The following WDPCP variants were observed in gnomAD, a reference collection of about 807,000 sequenced individuals.
WDPCP encodes WD repeat containing planar cell polarity effector, also known as WD repeat-containing and planar cell polarity effector protein fritz homolog.
A neutral mutation model predicts 93.1 loss-of-function variants in WDPCP; 71 were observed. The ratio of observed to expected loss-of-function variants is 0.76; its 90% CI spans 0.63 to 0.93. The LOEUF is 0.93. WDPCP is among the 40% of genes least tolerant of loss of function. WDPCP has a pLI of 0.00. For missense variants in WDPCP, 844 were observed against 887.4 expected, an observed-to-expected ratio of 0.95 and a Z score of 0.62; for synonymous variants, 315 against 315.0, an observed-to-expected ratio of 1.00 and a Z score of 0.00.
chr2:63,431,091 C>T (rs2105443042), intron 9 of WDPCP, among the ~76,000 whole-genome samples: 1 of 152,234 alleles, frequency 6.6e-6, no homozygotes, highest in South Asian at 2.1e-4. Context: ...TTAAAACTCG[C>T]ATTTGGTTCA....
At chr2:63,587,796 T>C (rs1708970632) in intron 1 of WDPCP, among the ~76,000 whole-genome samples, 1 of 152,240 alleles carries the variant, frequency 6.6e-6, no homozygotes, top group Admixed American at 6.5e-5. Context: ...AAATGCCTGT[T>C]TGGCATAACT....
intron 6 of WDPCP, among the ~76,000 whole-genome samples, chr2:63,456,972 G>C (rs1382036369): frequency 1.3e-5 from 2 of 152,040 alleles, no homozygotes; most frequent in Admixed American, 6.6e-5. Flanking sequence ...AGGTTGCAGT[G>C]AGCCGAGGTT....
At chr2:63,236,308 A>G (rs1414839926) in intron 14 of WDPCP, among the ~76,000 whole-genome samples, 2 of 152,174 alleles carry the variant, frequency 1.3e-5, no homozygotes, top group African/African-American at 4.8e-5. Context: ...ACCACAAAAC[A>G]CTGCTGAAAG....
intron 12 of WDPCP, among the ~76,000 whole-genome samples, chr2:63,338,133 T>C (rs1356128333): frequency 6.6e-6 from 1 of 152,308 alleles, no homozygotes; most frequent in African/African-American, 2.4e-5. Flanking sequence ...TACTTTCAGG[T>C]CTTGGGTTTA....
chr2:63,829,435 A>G (rs1387838653), upstream of WDPCP, among the ~76,000 whole-genome samples: 1 of 151,928 alleles, frequency 6.6e-6, no homozygotes, highest in Non-Finnish European at 1.5e-5. Context: ...GTTTGGTTCA[A>G]CTCCTTGCTT....
At chr2:63,286,908 G>A (rs1041016441) in intron 13 of WDPCP, among the ~76,000 whole-genome samples, 4 of 151,808 alleles carry the variant, frequency 2.6e-5, no homozygotes, top group Admixed American at 2.0e-4. Context: ...TATAGTAGTC[G>A]GCTAAGGCTG....
At chr2:63,824,537 CAAAAAAAAAAAAAAA>C (rs70965144) in intron 1 of WDPCP, among the ~76,000 whole-genome samples, 1 of 85,330 alleles carries the variant, frequency 1.2e-5, no homozygotes, top group Non-Finnish European at 2.1e-5. Context: ...GACCATGTTT[CAAAAAAAAAAAAAAA>C]AAAAAAAAAA....
chr2:63,490,720 G>C (rs759055745), intron 2 of WDPCP, among the ~76,000 whole-genome samples: 1 of 152,130 alleles, frequency 6.6e-6, no homozygotes, highest in Admixed American at 6.5e-5. Flanking sequence ...GAAGGAACAG[G>C]GACAGAAAAC....
chr2:63,224,699 A>AT (rs1678135808), intron 14 of WDPCP, among the ~76,000 whole-genome samples: 1 of 151,980 alleles, frequency 6.6e-6, no homozygotes, highest in Non-Finnish European at 1.5e-5. Flanking sequence ...TATAGAAACA[A>AT]TAAAAGCATC....
At chr2:63,341,500 G>T (rs1387343681) in intron 12 of WDPCP, among the ~76,000 whole-genome samples, 1 of 152,224 alleles carries the variant, frequency 6.6e-6, no homozygotes, top group African/African-American at 2.4e-5. Context: ...ATATTCTGCT[G>T]TTGTGGGTAG....
At chr2:63,560,324 T>G (rs746485977) in intron 1 of WDPCP, among the ~76,000 whole-genome samples, 1 of 152,150 alleles carries the variant, frequency 6.6e-6, no homozygotes, top group African/African-American at 2.4e-5. Flanking sequence ...GGAGGTATCA[T>G]GCTACCCGAC....
upstream of WDPCP, chr2:63,589,524 A>G (rs1257891044): frequency 3.7e-6 from 3 of 820,214 alleles, no homozygotes; most frequent in African/African-American, 1.7e-5. Context: ...CCAGATTACG[A>G]TCTGCGTTTG....
intron 3 of WDPCP, among the ~76,000 whole-genome samples, chr2:63,630,675 G>A (rs930874541): frequency 6.6e-6 from 1 of 152,130 alleles, no homozygotes; most frequent in African/African-American, 2.4e-5. Context: ...ATCATAGTTG[G>A]AGATATCAGC....
chr2:63,605,920 G>A (rs747642739), intron 3 of WDPCP: 1 of 1,601,604 alleles, frequency 6.2e-7, no homozygotes, highest in South Asian at 1.1e-5. Context: ...ATGAGTATGT[G>A]AAACATTGTT....
chr2:63,541,136 G>A (rs749957454), intron 1 of WDPCP, among the ~76,000 whole-genome samples: 18 of 152,128 alleles, frequency 1.2e-4, no homozygotes, highest in South Asian at 1.0e-3. Context: ...ATCACATCTG[G>A]CTAATTTTGC....
chr2:63,378,212 C>T (rs765946527), intron 12 of WDPCP, 174 bp downstream of exon 12: 33 of 861,386 alleles, frequency 3.8e-5, no homozygotes, highest in Non-Finnish European at 5.6e-5. Flanking sequence ...TCAAATATTT[C>T]CTTAAAATGA....
chr2:63,605,187 C>A, intron 3 of WDPCP: 2 of 820,404 alleles, frequency 2.4e-6, no homozygotes, highest in Non-Finnish European at 4.0e-6. Flanking sequence ...AAGCTCTGGT[C>A]ATAGCTTTTC....
intron 2 of WDPCP, 54 bp downstream of exon 2, chr2:63,492,802 T>C: frequency 6.6e-7 from 1 of 1,514,902 alleles, no homozygotes; most frequent in Non-Finnish European, 9.2e-7. Context: ...AGTACTTATT[T>C]ATAATGGTGT....
chr2:63,256,907 G>A (rs983721344), intron 14 of WDPCP, among the ~76,000 whole-genome samples: 1 of 152,112 alleles, frequency 6.6e-6, no homozygotes, highest in African/African-American at 2.4e-5. Context: ...CTGGACAGCT[G>A]GGCTGAGATT....
Sources: gnomAD v4.1 joint callset for allele counts (sites outside exome capture counted in the v4.1 genomes callset) on GRCh38, gnomAD v4.1.1 for gene constraint, MANE v1.5 for transcripts, NCBI Gene and HGNC (gene_info 2026-07-23, HGNC 2026-07-21) for gene names.